DGKB: variants seen among roughly 807,000 people sequenced by gnomAD.
DGKB encodes the protein 90 kDa diacylglycerol kinase.
A neutral mutation model predicts 114.3 loss-of-function variants in DGKB; 67 were observed. The observed-to-expected ratio is 0.59, with a 90% confidence interval of 0.48 to 0.72. The LOEUF is 0.72. DGKB is among the 30% of genes least tolerant of loss of function. The pLI, the probability that DGKB is intolerant of heterozygous loss-of-function variation, is 0.00. For missense variants in DGKB, 907 were observed against 975.2 expected, an observed-to-expected ratio of 0.93 and a Z score of 0.93; for synonymous variants, 398 against 323.1, an observed-to-expected ratio of 1.23 and a Z score of -2.49.
rs541991586 is a variant in DGKB, at chr7:14,220,325, A to G, written c.2123-42174T>C. On this transcript the variant is annotated intron_variant, in intron 23 of 25. Coordinates refer to ENST00000402815, the MANE Select transcript of DGKB (RefSeq NM_001350709.2). ...CTGTATAGCACGAAATAAGAGTCCA[A>G]CTGCATTCTTTGTATGTAGATATCC... 5.3e-5 allele frequency among the ~76,000 whole-genome samples: 8 copies of G among 151,666 alleles called. 1 individual carries two copies. The South Asian group carries it at 1.7e-3, about 31-fold the overall frequency.
intron 2 of DGKB, among the ~76,000 whole-genome samples, chr7:14,807,121 G>T (rs532242238): frequency 1.3e-5 from 2 of 151,912 alleles, no homozygotes; most frequent in Non-Finnish European, 2.9e-5. Flanking sequence ...AGCTGTAACA[G>T]TTCTGGTATT....
At chr7:14,917,209 C>G (rs1455528544) in intron 1 of DGKB, among the ~76,000 whole-genome samples, 1 of 151,920 alleles carries the variant, frequency 6.6e-6, no homozygotes, top group Non-Finnish European at 1.5e-5. Flanking sequence ...ACAATCAAGT[C>G]TTCCATCTTA....
intron 19 of DGKB, among the ~76,000 whole-genome samples, chr7:14,577,209 G>T (rs542736899): frequency 6.6e-6 from 1 of 152,152 alleles, no homozygotes; most frequent in Non-Finnish European, 1.5e-5. Context: ...ATGAAAACAT[G>T]ATTAATATTT....
chr7:14,797,556 C>A (rs1386110894), intron 2 of DGKB, among the ~76,000 whole-genome samples: 1 of 152,066 alleles, frequency 6.6e-6, no homozygotes, highest in South Asian at 2.1e-4. Context: ...CAGGCTTTTT[C>A]AGAGGCTCTC....
chr7:14,825,623 G>A (rs1477610362), intron 2 of DGKB, among the ~76,000 whole-genome samples: 1 of 152,116 alleles, frequency 6.6e-6, no homozygotes, highest in South Asian at 2.1e-4. Context: ...AAATACAGAG[G>A]AAATTTCACT....
At chr7:14,386,164 G>A (rs532241053) in intron 21 of DGKB, among the ~76,000 whole-genome samples, 7 of 152,276 alleles carry the variant, frequency 4.6e-5, no homozygotes, top group South Asian at 2.1e-4. Flanking sequence ...AGTGCTGTAC[G>A]CCTGAAAGCT....
chr7:14,191,934 GC>G (rs2128274454), intron 23 of DGKB: 1 of 654,886 alleles, frequency 1.5e-6, no homozygotes. Context: ...CTGGAAGATG[GC>G]CCTAAATACT....
intron 22 of DGKB, among the ~76,000 whole-genome samples, chr7:14,339,910 A>G (rs974155628): frequency 6.6e-6 from 1 of 151,916 alleles, no homozygotes; most frequent in African/African-American, 2.4e-5. Context: ...TTTTGAACTC[A>G]GAAGACACAG....
At chr7:14,812,251 A>G (rs1466591328) in intron 2 of DGKB, among the ~76,000 whole-genome samples, 1 of 152,094 alleles carries the variant, frequency 6.6e-6, no homozygotes, top group African/African-American at 2.4e-5. Context: ...TTTGAACATA[A>G]TTTCCAAATA....
intron 2 of DGKB, among the ~76,000 whole-genome samples, chr7:14,824,314 G>T (rs528830065): frequency 1.3e-5 from 2 of 151,936 alleles, no homozygotes; most frequent in African/African-American, 4.8e-5. Context: ...ACGTTTTCAC[G>T]TTAAAAATAT....
At chr7:14,259,221 G>C (rs1796371335) in intron 23 of DGKB, among the ~76,000 whole-genome samples, 1 of 152,130 alleles carries the variant, frequency 6.6e-6, no homozygotes, top group South Asian at 2.1e-4. Context: ...GTGCAATTAT[G>C]TGTAGAAATT....
intron 1 of DGKB, among the ~76,000 whole-genome samples, chr7:14,922,829 A>G (rs1015245200): frequency 1.3e-5 from 2 of 150,882 alleles, no homozygotes; most frequent in Non-Finnish European, 3.0e-5. Flanking sequence ...CACCATACCC[A>G]TCACTTCACC....
chr7:14,469,192 T>C (rs1384283535), intron 21 of DGKB, among the ~76,000 whole-genome samples: 1 of 152,012 alleles, frequency 6.6e-6, no homozygotes, highest in African/African-American at 2.4e-5. Flanking sequence ...GAATTTACGA[T>C]TATCTAAGCT....
rs1364051768 is a variant in DGKB, at chr7:14,487,024, A to G, written c.1771-8799T>C. ...AAATTGATACGTAGCATCACCTTTA[A>G]CCTTTTCATAATGGCAAGAGTCATC... On this transcript the variant is annotated intron_variant, in intron 20 of 25. Transcript: ENST00000402815. 2.0e-5 allele frequency among the ~76,000 whole-genome samples: 3 copies of G among 152,314 alleles called. No homozygotes were observed. The East Asian group carries it at 5.8e-4, about 29-fold the overall frequency.
At chr7:14,603,311 A>T (rs1475499366) in intron 17 of DGKB, among the ~76,000 whole-genome samples, 1 of 152,094 alleles carries the variant, frequency 6.6e-6, no homozygotes, top group Non-Finnish European at 1.5e-5. Context: ...CTTTTATATT[A>T]GTAAAGAAAA....
chr7:14,793,611 CAGG>C (rs1454838270), intron 2 of DGKB, among the ~76,000 whole-genome samples: 3 of 151,974 alleles, frequency 2.0e-5, no homozygotes, highest in Non-Finnish European at 2.9e-5. Context: ...TAATGCTTGC[CAGG>C]AGGAGAAGGA....
At chr7:14,617,058 C>A (rs1806673892) in intron 15 of DGKB, among the ~76,000 whole-genome samples, 1 of 151,668 alleles carries the variant, frequency 6.6e-6, no homozygotes, top group Non-Finnish European at 1.5e-5. Context: ...TAGAGTTAGA[C>A]TGGTTTTGGA....
intron 16 of DGKB, among the ~76,000 whole-genome samples, chr7:14,610,921 G>A (rs1805435761): frequency 6.6e-6 from 1 of 152,062 alleles, no homozygotes; most frequent in South Asian, 2.1e-4. Flanking sequence ...CCTTATCCAT[G>A]ATGCAAAGTT....
chr7:14,578,494 C>A (rs1244385980), intron 19 of DGKB, among the ~76,000 whole-genome samples: 1 of 152,180 alleles, frequency 6.6e-6, no homozygotes, highest in African/African-American at 2.4e-5. Context: ...TGTTAATAAT[C>A]TCTAGCAAAT....
Sources: gnomAD v4.1 joint callset for allele counts (sites outside exome capture counted in the v4.1 genomes callset) on GRCh38, gnomAD v4.1.1 for gene constraint, MANE v1.5 for transcripts, NCBI Gene and HGNC (gene_info 2026-07-23, HGNC 2026-07-21) for gene names.